The following MAMDC2 variants were observed in gnomAD, a reference collection of about 807,000 sequenced individuals.
The protein encoded by MAMDC2 is MAM domain containing 2, also known as MAM domain-containing protein 2.
In MAMDC2, 57 loss-of-function variants were observed where a neutral mutation model predicts 89.8. That is an observed-to-expected ratio of 0.63 (90% confidence interval 0.51 to 0.79). The LOEUF (loss-of-function observed/expected upper bound fraction) is 0.79, where lower values mean the gene tolerates loss of function less well. Among genes scored for constraint, MAMDC2 ranks in the 30% least tolerant of loss-of-function variants. The pLI is 0.00. For synonymous variants in MAMDC2, 313 were observed against 293.4 expected (o/e 1.07, Z -0.68); for missense variants, 800 against 820.6 (o/e 0.97, Z 0.31).
At chr9:70,077,047 G>A (rs1418062653) in intron 2 of MAMDC2, among the ~76,000 whole-genome samples, 1 of 152,156 alleles carries the variant, frequency 6.6e-6, no homozygotes, top group Non-Finnish European at 1.5e-5. Flanking sequence ...GCATCAGGAA[G>A]TAGTTTAAAT....
At chr9:70,191,060 A>C (rs1428361358) in intron 11 of MAMDC2, among the ~76,000 whole-genome samples, 1 of 152,116 alleles carries the variant, frequency 6.6e-6, no homozygotes, top group East Asian at 1.9e-4. Context: ...AAAAAAGGTC[A>C]CTGTTCTTAG....
At chr9:70,150,227 C>A (rs1049601740) in intron 9 of MAMDC2, among the ~76,000 whole-genome samples, 34 of 152,202 alleles carry the variant, frequency 2.2e-4, no homozygotes, top group African/African-American at 6.8e-4. Context: ...CTCCAAAATT[C>A]TTGCCATTGA....
At position 70,135,330 on chromosome 9, in the gene MAMDC2, T is replaced by C. The variant is rs1347701055; in HGVS notation, c.994+3718T>C. On this transcript the variant is annotated intron_variant, in intron 7 of 13. Coordinates refer to ENST00000377182, the MANE Select transcript of MAMDC2 (RefSeq NM_153267.5). ...GTGATCTGCCCTTTACTAACACCTC[T>C]GAAACAAGCTTGAAGCAAAGCCTCT... Among the ~76,000 whole-genome samples, 6 of 152,234 alleles carry C rather than the reference T, an allele frequency of 3.9e-5. No individual in the cohort carries two copies. In the East Asian group the frequency reaches 1.2e-3, roughly 29 times the overall value.
intron 6 of MAMDC2, among the ~76,000 whole-genome samples, chr9:70,129,129 T>G (rs754212042): frequency 1.4e-4 from 21 of 152,222 alleles, no homozygotes; most frequent in Non-Finnish European, 1.5e-5. Flanking sequence ...ATGGTTTGGC[T>G]GTGTCCCCAC....
chr9:70,205,636 G>A (rs2033209050), intron 11 of MAMDC2, among the ~76,000 whole-genome samples: 1 of 152,192 alleles, frequency 6.6e-6, no homozygotes, highest in Non-Finnish European at 1.5e-5. Flanking sequence ...GCAAAGAACA[G>A]AGGGGACCCT....
intron 2 of MAMDC2, among the ~76,000 whole-genome samples, chr9:70,061,616 G>C (rs964988041): frequency 2.0e-5 from 3 of 152,292 alleles, no homozygotes; most frequent in South Asian, 2.1e-4. Context: ...CAAAATTTAA[G>C]ATGGTGCCAA....
At chr9:70,222,904 TGAAGTAGG>T (rs1484204582) in intron 12 of MAMDC2, among the ~76,000 whole-genome samples, 4 of 152,064 alleles carry the variant, frequency 2.6e-5, no homozygotes, top group Non-Finnish European at 1.5e-5. Flanking sequence ...TTTGGGAGGC[TGAAGTAGG>T]GGGATTTCTT....
intron 11 of MAMDC2, among the ~76,000 whole-genome samples, chr9:70,182,907 C>T (rs183806540): frequency 1.4e-4 from 22 of 152,180 alleles, no homozygotes; most frequent in African/African-American, 4.1e-4. Context: ...AATTTGTTTG[C>T]TCTTGCTTGT....
intron 2 of MAMDC2, chr9:70,094,072 G>A (rs1827969311): frequency 6.6e-6 from 1 of 152,234 alleles, no homozygotes; most frequent in African/African-American, 2.4e-5. Flanking sequence ...ATCTGTGGTT[G>A]TGGTTTCAAA....
chr9:70,172,447 T>C (rs1334546347), intron 11 of MAMDC2: 1 of 152,498 alleles, frequency 6.6e-6, no homozygotes, highest in Non-Finnish European at 1.5e-5. Context: ...GATGTCTAAA[T>C]GCTGGCTCTT....
chr9:70,131,536 T>G lies in MAMDC2; in HGVS notation c.918T>G (p.Ala306=). Residue 306 remains alanine (A), a synonymous_variant, in exon 7 of 14, where the codon GCT becomes GCG. Transcript: ENST00000377182. The part of the protein sequence containing the change: ...PYPMEVIFEV[A]FNGPKGGYVA... ...CTCTGCAGGTTATTTTTGAAGTTGCTTTCAATGGTCCCAAGGGAGGTTATG... is the reference window on the plus strand; with the variant it reads ...CTCTGCAGGTTATTTTTGAAGTTGCGTTCAATGGTCCCAAGGGAGGTTATG... 1 of 1,601,164 alleles carries G rather than the reference T, an allele frequency of 6.2e-7. No individual in the cohort carries two copies. The highest frequency in any genetic ancestry group is 8.5e-7 in the Non-Finnish European group (1 of 1,177,078).
chr9:70,072,939 G>A (rs1006919978), intron 2 of MAMDC2, among the ~76,000 whole-genome samples: 1 of 152,090 alleles, frequency 6.6e-6, no homozygotes, highest in Admixed American at 6.5e-5. Flanking sequence ...AGGTTCAAGC[G>A]ATTCTCCTGC....
At chr9:70,139,556 A>G (rs2031131021) in intron 7 of MAMDC2, among the ~76,000 whole-genome samples, 1 of 151,862 alleles carries the variant, frequency 6.6e-6, no homozygotes, top group African/African-American at 2.4e-5. Flanking sequence ...AGTCTTTGCT[A>G]TTGTGAATAG....
intron 11 of MAMDC2, among the ~76,000 whole-genome samples, chr9:70,197,817 C>T (rs139665717): frequency 1.6e-3 from 240 of 152,234 alleles, no homozygotes; most frequent in African/African-American, 5.4e-3. Context: ...ATCGTCATAG[C>T]TCATTCATCC....
chr9:70,209,830 T>C (rs2033313264), intron 11 of MAMDC2, among the ~76,000 whole-genome samples: 1 of 152,248 alleles, frequency 6.6e-6, no homozygotes, highest in African/African-American at 2.4e-5. Flanking sequence ...TTCTGGTATA[T>C]TGTGTCTTTG....
At chr9:70,197,639 C>T (rs1432373707) in intron 11 of MAMDC2, among the ~76,000 whole-genome samples, 2 of 152,128 alleles carry the variant, frequency 1.3e-5, no homozygotes, top group African/African-American at 4.8e-5. Context: ...AGGATTACAA[C>T]ATCTGTGGCA....
chr9:70,177,329 A>G (rs1246952754), intron 11 of MAMDC2, among the ~76,000 whole-genome samples: 1 of 152,204 alleles, frequency 6.6e-6, no homozygotes, highest in East Asian at 1.9e-4. Context: ...GAGTGTAGAC[A>G]GCATGGAGAC....
At chr9:70,153,126 CAATTAT>C (rs2031635095) in intron 9 of MAMDC2, 1 of 152,066 alleles carries the variant, frequency 6.6e-6, no homozygotes, top group South Asian at 2.1e-4. Context: ...TGCTTTTATA[CAATTAT>C]AAACAGTTTA....
chr9:70,089,725 T>C lies in MAMDC2; in HGVS notation c.149-18486T>C, dbSNP rs565603114. Among the ~76,000 whole-genome samples, 6 of 152,276 alleles carry C rather than the reference T, an allele frequency of 3.9e-5. No homozygotes were observed. The East Asian group carries it at 1.2e-3, about 29-fold the overall frequency. ...ATTTCAGGCTAGCTTTAGGTCCAAA[T>C]AAATCTTAGGAACTATTGGTACAAT... On this transcript the variant is annotated intron_variant, in intron 2 of 13. Coordinates refer to ENST00000377182, the MANE Select transcript of MAMDC2 (RefSeq NM_153267.5).
Sources: gnomAD v4.1 joint callset for allele counts (sites outside exome capture counted in the v4.1 genomes callset) on GRCh38, gnomAD v4.1.1 for gene constraint, MANE v1.5 for transcripts, NCBI Gene and HGNC (gene_info 2026-07-23, HGNC 2026-07-21) for gene names.